The following DMBT1 variants were observed in gnomAD, a reference collection of about 807,000 sequenced individuals.
The protein encoded by DMBT1 is scavenger receptor cysteine-rich domain-containing protein DMBT1.
Under a neutral mutation model 252.9 loss-of-function variants are expected in DMBT1, and 198 were observed. That is an observed-to-expected ratio of 0.78 (90% CI 0.70 to 0.88). The LOEUF is 0.88. DMBT1 is among the 40% of genes least tolerant of loss of function. The pLI is 0.00. For synonymous variants in DMBT1, 990 were observed against 942.7 expected (o/e 1.05, Z -0.92); for missense variants, 2,432 against 2,404.7 (o/e 1.01, Z -0.24).
intron 26 of DMBT1, 26 bp downstream of exon 26, chr10:122,599,123 C>T: frequency 6.2e-7 from 1 of 1,613,828 alleles, no homozygotes; most frequent in South Asian, 1.1e-5. Flanking sequence ...CTTGGGATCA[C>T]TCTCTTGGGG....
At chr10:122,588,813 G>A in intron 16 of DMBT1, 131 bp from the exon 17 acceptor site, 3 of 1,460,660 alleles carry the variant, frequency 2.1e-6, no homozygotes, top group African/African-American at 1.4e-5. Flanking sequence ...ACCTCTGGTT[G>A]CAGTCATCTT....
chr10:122,620,366 A>G (rs2098052747), intron 43 of DMBT1, 75 bp downstream of exon 43: 1 of 1,548,734 alleles, frequency 6.5e-7, no homozygotes, highest in Non-Finnish European at 8.9e-7. Flanking sequence ...AAATGAAAGA[A>G]TGAGGCTCAA....
chr10:122,578,861 G>T, intron 9 of DMBT1, 102 bp downstream of exon 9: 1 of 1,244,740 alleles, frequency 8.0e-7, no homozygotes, highest in Non-Finnish European at 1.2e-6. Context: ...AGGTGGGGAA[G>T]TGGGCTAAGC....
At chr10:122,640,733 C>T (rs1844370157) in intron 55 of DMBT1, among the ~76,000 whole-genome samples, 1 of 152,280 alleles carries the variant, frequency 6.6e-6, no homozygotes, top group Admixed American at 6.5e-5. Context: ...TAGAACAGCT[C>T]AGCAGTGTTC....
chr10:122,619,230 G>A (rs190604322), intron 41 of DMBT1, 78 bp from the exon 42 acceptor site: 10 of 1,588,756 alleles, frequency 6.3e-6, no homozygotes, highest in Non-Finnish European at 8.6e-6. Context: ...GGCTTGCCCA[G>A]TTCCTTCTAT....
chr10:122,564,702 C>T (rs2097575307), intron 1 of DMBT1, among the ~76,000 whole-genome samples: 1 of 151,214 alleles, frequency 6.6e-6, no homozygotes, highest in Non-Finnish European at 1.5e-5. Flanking sequence ...AAATCCCTAT[C>T]GAAGTGTGTA....
In DMBT1 at chr10:122,640,345, A is replaced by C. The variant is rs1156620814; in HGVS notation, c.7248A>C (p.Glu2416Asp). The C allele has an allele frequency of 1.2e-6, 2 of 1,614,014 alleles. No homozygotes were observed. Among genetic ancestry groups the C allele is most frequent in the Non-Finnish European group, 1.7e-6 (2 of 1,179,896 alleles). The change falls in exon 55 of 56, where the codon GAA (glutamate) becomes GAC (aspartate). Residue 2416 changes from glutamate to aspartate, a missense_variant. Coordinates refer to ENST00000338354, the MANE Select transcript of DMBT1 (RefSeq NM_001377530.1). Reference sequence around the variant, plus strand: ...ACCAGGACTTGTACGTTCAGGCTGAAATCCTCCATTCTGATGCTGTACTGA... The same window carrying C: ...ACCAGGACTTGTACGTTCAGGCTGACATCCTCCATTCTGATGCTGTACTGA... ...DLNQDLYVQA[E>D]ILHSDAVLTL...
At chr10:122,593,975 C>A (rs1180174306) in intron 21 of DMBT1, among the ~76,000 whole-genome samples, 37 of 137,358 alleles carry the variant, frequency 2.7e-4, no homozygotes, top group African/African-American at 9.2e-4. Context: ...ATCGTCAGGG[C>A]AGGCTCGATA....
Position 122,566,181 on chromosome 10 carries a change from C to T in DMBT1, c.91+185C>T, listed in dbSNP as rs575861281. Among the ~76,000 whole-genome samples the T allele has an allele frequency of 3.2e-4, 48 of 152,314 alleles. No individual in the cohort carries two copies. The South Asian group carries it at 9.3e-3, about 30-fold the overall frequency. ...CTGGGGCATGTCTCAAGTGCACACT[C>T]GGCCAATCCCAGCTGTCATTCTCCT... is the stretch of plus-strand genomic sequence containing the variant. On this transcript the variant is annotated intron_variant, in intron 2 of 55. Coordinates refer to ENST00000338354, the MANE Select transcript of DMBT1 (RefSeq NM_001377530.1).
intron 51 of DMBT1, 91 bp from the exon 52 acceptor site, chr10:122,633,100 T>A: frequency 9.8e-6 from 15 of 1,523,778 alleles, no homozygotes; most frequent in Non-Finnish European, 1.2e-5. Context: ...TTTTATAAAA[T>A]TTTAAAGTAA....
chr10:122,586,602 C>G (rs772211837), intron 16 of DMBT1, among the ~76,000 whole-genome samples: 3 of 148,298 alleles, frequency 2.0e-5, no homozygotes, highest in Non-Finnish European at 4.5e-5. Context: ...AGGGTCACAC[C>G]TTTGTTCCCC....
chr10:122,599,941 C>T, intron 26 of DMBT1, 123 bp from the exon 27 acceptor site: 6 of 1,403,658 alleles, frequency 4.3e-6, no homozygotes, highest in Non-Finnish European at 6.0e-6. Flanking sequence ...CAATGCCCCT[C>T]CCTGTGTGAT....
At chr10:122,637,062 CT>C (rs765225289) in intron 53 of DMBT1, 65 bp from the exon 54 acceptor site, 55 of 1,495,368 alleles carry the variant, frequency 3.7e-5, no homozygotes, top group Admixed American at 3.2e-4. Flanking sequence ...GAAACAGCCT[CT>C]GGCCCCGTAG....
At chr10:122,630,069 C>A in intron 47 of DMBT1, 76 bp downstream of exon 47, 1 of 1,576,614 alleles carries the variant, frequency 6.3e-7, no homozygotes, top group Admixed American at 1.7e-5. Context: ...GTGTCCTGGG[C>A]TGGGATGCTT....
At chr10:122,593,302 T>C (rs1411449619) in intron 20 of DMBT1, among the ~76,000 whole-genome samples, 1 of 148,290 alleles carries the variant, frequency 6.7e-6, no homozygotes, top group African/African-American at 2.4e-5. Context: ...ACCTAAGATG[T>C]GCAAGGGAGT....
In DMBT1 at chr10:122,598,834, T is replaced by A. The variant is rs2097910886; in HGVS notation, c.3017T>A (p.Val1006Glu). The change falls in exon 26 of 56, where the codon GTG (valine) becomes GAG (glutamate). Residue 1006 changes from valine (V) to glutamate (E), a missense_variant. Physicochemically the swap from Val to Glu is moderately radical, Grantham distance 121. Coordinates refer to ENST00000338354, the MANE Select transcript of DMBT1 (RefSeq NM_001377530.1). ...GGAGGTGACAGGTGTCAGGGCCGAG[T>A]GGAGGTCCTATACCAAGGCTCCTGG... ...VNGGDRCQGR[V>E]EVLYQGSWGT... 1 of 1,613,526 alleles carries A rather than the reference T, an allele frequency of 6.2e-7. No individual in the cohort carries two copies. Among genetic ancestry groups the A allele is most frequent in the Non-Finnish European group, 8.5e-7 (1 of 1,179,738 alleles).
Position 122,586,458 on chromosome 10 carries a change from C to T in DMBT1, c.1783+75C>T, listed in dbSNP as rs766202985. 3.9e-6 allele frequency: 6 copies of T among 1,549,242 alleles called. 1 individual carries two copies. Among genetic ancestry groups the T allele is most frequent in the Non-Finnish European group, 4.4e-6 (5 of 1,145,956 alleles). ...GGAAGGTTTTATTATGTTCTAATCT[C>T]CTCACTTAGAGCTTTTTCAACTTTT... On this transcript the variant is annotated intron_variant, in intron 16 of 55. Transcript: ENST00000338354.
chr10:122,601,168 G>A, intron 28 of DMBT1, 145 bp downstream of exon 28: 5 of 390,602 alleles, frequency 1.3e-5, no homozygotes, highest in Non-Finnish European at 1.7e-5. Flanking sequence ...TCTCTGAGGA[G>A]CCAGTGCTGG....
At chr10:122,619,428 G>A in intron 42 of DMBT1, 91 bp downstream of exon 42, 1 of 1,545,730 alleles carries the variant, frequency 6.5e-7, no homozygotes, top group Non-Finnish European at 8.9e-7. Flanking sequence ...GCTTTTCTGT[G>A]CGGATACTGT....
Sources: gnomAD v4.1 joint callset for allele counts (sites outside exome capture counted in the v4.1 genomes callset) on GRCh38, gnomAD v4.1.1 for gene constraint, MANE v1.5 for transcripts, NCBI Gene and HGNC (gene_info 2026-07-23, HGNC 2026-07-21) for gene names.